Variants in PPP1R10 observed in about 807,000 individuals in gnomAD.
The protein encoded by PPP1R10 is protein phosphatase 1 regulatory subunit 10, also known as serine/threonine-protein phosphatase 1 regulatory subunit 10.
In PPP1R10, 15 loss-of-function variants were observed where a neutral mutation model predicts 99.0. That is an observed-to-expected ratio of 0.15 (90% confidence interval 0.10 to 0.23). The LOEUF (loss-of-function observed/expected upper bound fraction) is 0.23. Ranked by LOEUF, PPP1R10 falls within the 10% of genes least tolerant of loss-of-function variation. The pLI is 1.00. For synonymous variants in PPP1R10, 430 were observed against 449.5 expected, an observed-to-expected ratio of 0.96 and a Z score of 0.55; for missense variants, 947 against 1,259.4, an observed-to-expected ratio of 0.75 and a Z score of 3.75.
At chr6:30,615,536 C>G (rs1348499297) in intron 2 of PPP1R10, among the ~76,000 whole-genome samples, 1 of 152,130 alleles carries the variant, frequency 6.6e-6, no homozygotes, top group African/African-American at 2.4e-5. Context: ...GACAAAAGGA[C>G]AAGGAAAGTC....
chr6:30,604,846 C>CT lies in PPP1R10; in HGVS notation c.955-112dup, dbSNP rs1217787548. 1.9e-6 allele frequency: 3 copies of CT among 1,541,530 alleles called. No individual in the cohort carries two copies. Among genetic ancestry groups the CT allele is most frequent in the Non-Finnish European group, 2.7e-6 (3 of 1,116,312 alleles). Reference sequence around the variant, plus strand: ...AACAGTTCCTATATAAAGGAAGACTCTGTCTCCACAATGTCTCACCTGCAC... The same window carrying CT: ...AACAGTTCCTATATAAAGGAAGACTCTTGTCTCCACAATGTCTCACCTGCAC... On this transcript the variant is annotated intron_variant, in intron 11 of 19. Coordinates refer to ENST00000376511, the MANE Select transcript of PPP1R10 (RefSeq NM_002714.4). This position sits in a 1 kb window ranked among gnomAD's most constrained non-coding sequence, Gnocchi z 7.3.
rs1295026234 is a variant in PPP1R10 at position 30,604,969 on chromosome 6, G to A, written c.954+25C>T. The A allele has an allele frequency of 3.1e-6, 5 of 1,605,502 alleles. No homozygotes were observed. The African/African-American group carries it at 5.4e-5, about 17-fold the overall frequency. On this transcript the variant is annotated intron_variant, in intron 11 of 19. Transcript: ENST00000376511. This position sits in a 1 kb window ranked among gnomAD's most constrained non-coding sequence, Gnocchi z 7.3. ...ACTTTACCTTTTATACTCTGTCACT[G>A]AAACCTACTTCTGGGAGCCCATACC... is the stretch of plus-strand genomic sequence containing the variant.
rs1441543778 is a variant in PPP1R10 at position 30,604,799 on chromosome 6, AGGGTCCCAG to A, written c.955-73_955-65del. ...AAGCCAAGGGCAAGGCAATTAGTCCAGGGTCCCAGGCACAGTCCCCCAACAGTTCCTATA... is the reference window on the plus strand; with the variant it reads ...AAGCCAAGGGCAAGGCAATTAGTCCAGCACAGTCCCCCAACAGTTCCTATA... On this transcript the variant is annotated intron_variant, in intron 11 of 19. Coordinates refer to ENST00000376511, the MANE Select transcript of PPP1R10 (RefSeq NM_002714.4). This position sits in a 1 kb window ranked among gnomAD's most constrained non-coding sequence, Gnocchi z 7.3. 6.2e-7 allele frequency: 1 copy of A among 1,603,518 alleles called. No individual in the cohort carries two copies.
At chr6:30,608,005 T>C in intron 5 of PPP1R10, 114 bp from the exon 6 acceptor site, 1 of 1,112,782 alleles carries the variant, frequency 9.0e-7, no homozygotes, top group Non-Finnish European at 1.3e-6. Context: ...TTTTTATTTT[T>C]TGAGACGGAG....
At chr6:30,613,421 T>C (rs1278033261) in intron 2 of PPP1R10, among the ~76,000 whole-genome samples, 1 of 152,192 alleles carries the variant, frequency 6.6e-6, no homozygotes, top group Non-Finnish European at 1.5e-5. Context: ...CCCCTTATGT[T>C]CCCCTTCCTT....
In PPP1R10 at chr6:30,606,406, C is replaced by A; in HGVS notation, c.634+62G>T. 1 of 1,594,594 alleles carries A rather than the reference C, an allele frequency of 6.3e-7. No individual in the cohort carries two copies. The highest frequency in any genetic ancestry group is 8.6e-7 in the Non-Finnish European group (1 of 1,167,898). ...AACATACCACACATCAAATGATTCC[C>A]CCATAAGGCTCTGGGTGTGCACATG... is the stretch of plus-strand genomic sequence containing the variant. On this transcript the variant is annotated intron_variant, in intron 8 of 19. Transcript: ENST00000376511. The surrounding 1 kb of genome is among the most constrained non-coding windows in gnomAD (Gnocchi z 6.3).
At position 30,604,617 on chromosome 6, in the gene PPP1R10, G is replaced by T; in HGVS notation, c.1073C>A (p.Pro358His). The change falls in exon 12 of 20, where the codon CCT (proline) becomes CAT (histidine). Residue 358 changes from proline to histidine, a missense_variant. Transcript: ENST00000376511. The surrounding 1 kb of genome is among the most constrained non-coding windows in gnomAD (Gnocchi z 7.3). ...ATCCATGAGCTCCGGGACTTCAACAGGGGGAACCGGGGTGCCTGGACGGTC... is the reference window on the plus strand; with the variant it reads ...ATCCATGAGCTCCGGGACTTCAACATGGGGAACCGGGGTGCCTGGACGGTC... Reference protein sequence around the residue: ...DADRPGTPVPPVEVPELMDTA... With the variant: ...DADRPGTPVPHVEVPELMDTA... 1 of 1,613,090 alleles carries T rather than the reference G, an allele frequency of 6.2e-7. No individual in the cohort carries two copies. The highest frequency in any genetic ancestry group is 1.1e-5 in the South Asian group (1 of 91,086).
intron 2 of PPP1R10, among the ~76,000 whole-genome samples, chr6:30,610,193 TGGA>T (rs1804415299): frequency 6.6e-6 from 1 of 152,210 alleles, no homozygotes; most frequent in Non-Finnish European, 1.5e-5. Flanking sequence ...GCAATTCGAT[TGGA>T]GGAGTAGGGC....
chr6:30,602,461 A>G lies in PPP1R10; in HGVS notation c.2188T>C (p.Ser730Pro), dbSNP rs754633447. The G allele has an allele frequency of 3.1e-6, 5 of 1,596,198 alleles. No individual in the cohort carries two copies. In the South Asian group the frequency reaches 4.5e-5, roughly 14 times the overall value. The change falls in exon 19 of 20, where the codon TCT becomes CCT. Residue 730 changes from serine to proline, a missense_variant. Transcript: ENST00000376511. This position sits in a 1 kb window ranked among gnomAD's most constrained non-coding sequence, Gnocchi z 6.7. ...PPFRGARGGR[S>P]GGGPPNGRGG... The stretch of plus-strand genomic sequence containing the variant: ...CGTCCATTTGGGGGTCCTCCTCCAG[A>G]GCGACCTCCTCTGGCGCCTCGGAAT...
Position 30,602,601 on chromosome 6 carries a change from G to A in PPP1R10, c.2048C>T (p.Pro683Leu), listed in dbSNP as rs375599737. 1.7e-5 allele frequency: 26 copies of A among 1,575,246 alleles called. No homozygotes were observed. The highest frequency in any genetic ancestry group is 5.5e-5 in the African/African-American group (4 of 72,730). The stretch of plus-strand genomic sequence containing the variant: ...TGGGCCACCCCGCATAGGGTCGCCC[G>A]GGCCATCCCAGAAGGGATCACCTCC... The part of the protein sequence containing the change: ...PRGGDPFWDG[P>L]GDPMRGGPMR... The change falls in exon 19 of 20, where the codon CCG (proline) becomes CTG (leucine). Residue 683 changes from proline (P) to leucine (L), a missense_variant. Physicochemically the swap from Pro to Leu is moderately conservative, Grantham distance 98. Transcript: ENST00000376511. The surrounding 1 kb of genome is among the most constrained non-coding windows in gnomAD (Gnocchi z 6.7).
In PPP1R10 at chr6:30,602,024, C is replaced by T. The variant is rs764259116; in HGVS notation, c.2625G>A (p.Pro875=). ...PGHRGHDHRG[P]PPHEHRGHDG... Reference sequence around the variant, plus strand: ...CATGGCCACGGTGCTCATGAGGTGGCGGCCCTCGATGGTCATGGCCTCGGT... The same window carrying T: ...CATGGCCACGGTGCTCATGAGGTGGTGGCCCTCGATGGTCATGGCCTCGGT... Residue 875 remains proline, a synonymous_variant, in exon 19 of 20, where the codon CCG becomes CCA. Coordinates refer to ENST00000376511, the MANE Select transcript of PPP1R10 (RefSeq NM_002714.4). The surrounding 1 kb of genome is among the most constrained non-coding windows in gnomAD (Gnocchi z 6.7). 2.5e-5 allele frequency: 38 copies of T among 1,535,734 alleles called. No homozygotes were observed. Among genetic ancestry groups the T allele is most frequent in the Admixed American group, 1.2e-4 (6 of 50,934 alleles).
Position 30,601,302 on chromosome 6 carries a change from G to T in PPP1R10, c.*247C>A. On this transcript the variant is annotated 3_prime_UTR_variant, in exon 20 of 20. Coordinates refer to ENST00000376511, the MANE Select transcript of PPP1R10 (RefSeq NM_002714.4). ...ATCTTCTCAAAAAGTGAAGCCAACT[G>T]GGTCTCCTCTTCAGCAGTCCAGGAA... 1 of 527,952 alleles carries T rather than the reference G, an allele frequency of 1.9e-6. No homozygotes were observed. Among genetic ancestry groups the T allele is most frequent in the Admixed American group, 3.4e-5 (1 of 29,024 alleles). The allele number at this position is 527,952 out of a possible 1,614,324, so 32.7% of individuals were successfully genotyped here.
intron 2 of PPP1R10, among the ~76,000 whole-genome samples, chr6:30,613,735 A>G (rs1411169154): frequency 6.6e-6 from 1 of 152,186 alleles, no homozygotes; most frequent in African/African-American, 2.4e-5. Flanking sequence ...CTGGCTTCCC[A>G]TCTCCCATGT....
intron 2 of PPP1R10, 125 bp downstream of exon 2, chr6:30,616,353 A>C (rs997501836): frequency 6.6e-6 from 1 of 152,552 alleles, no homozygotes; most frequent in Non-Finnish European, 1.5e-5. Context: ...AAGTGACCAG[A>C]TTGGTCCTTC....
At chr6:30,610,672 GT>G (rs1804469538) in intron 2 of PPP1R10, among the ~76,000 whole-genome samples, 1 of 152,164 alleles carries the variant, frequency 6.6e-6, no homozygotes, top group African/African-American at 2.4e-5. Flanking sequence ...CACTACACAA[GT>G]TTTTACTGTC....
At position 30,600,561 on chromosome 6, in the gene PPP1R10, G is replaced by C. The variant is rs537471889; in HGVS notation, c.*988C>G. The stretch of plus-strand genomic sequence containing the variant: ...TTCATAGAAAACAACTGATGCCAAA[G>C]TGAAGGAGAGAACTGGGAAAGGGCA... On this transcript the variant is annotated 3_prime_UTR_variant, in exon 20 of 20. Transcript: ENST00000376511. The C allele has an allele frequency of 1.3e-5, 2 of 152,626 alleles. No individual in the cohort carries two copies. Among genetic ancestry groups the C allele is most frequent in the East Asian group, 1.9e-4 (1 of 5,206 alleles). 9.5% of individuals were successfully genotyped at this position (152,626 alleles called of 1,614,324 possible).
chr6:30,601,184 C>A lies in PPP1R10; in HGVS notation c.*365G>T. The A allele has an allele frequency of 4.1e-6, 1 of 241,892 alleles. No homozygotes were observed. Among genetic ancestry groups the A allele is most frequent in the Non-Finnish European group, 8.1e-6 (1 of 123,882 alleles). The allele number at this position is 241,892 out of a possible 1,614,324, so 15.0% of individuals were successfully genotyped here. A position where few individuals can be genotyped will look rare whatever the true frequency, so the allele number is the denominator to read the frequency against. ...AGTTCTGTGTGCATGTGGGGACCCG[C>A]AATAGAAGGGTAGGGGTGTTCGCCA... On this transcript the variant is annotated 3_prime_UTR_variant, in exon 20 of 20. Coordinates refer to ENST00000376511, the MANE Select transcript of PPP1R10 (RefSeq NM_002714.4).
rs1383787811 is a variant in PPP1R10 at position 30,604,879 on chromosome 6, T to C, written c.954+115A>G. ...ACAATGTCTCACCTGCACCAGTCTA[T>C]ATCCAAGGCAAAACGCCTCTTGTTG... On this transcript the variant is annotated intron_variant, in intron 11 of 19. Coordinates refer to ENST00000376511, the MANE Select transcript of PPP1R10 (RefSeq NM_002714.4). The surrounding 1 kb of genome is among the most constrained non-coding windows in gnomAD (Gnocchi z 7.3). The C allele has an allele frequency of 2.0e-5, 30 of 1,506,288 alleles. No individual in the cohort carries two copies. Among genetic ancestry groups the C allele is most frequent in the Non-Finnish European group, 2.4e-5 (26 of 1,084,500 alleles). The allele number at this position is 1,506,288 out of a possible 1,614,324, so 93.3% of individuals were successfully genotyped here.
In PPP1R10 at chr6:30,604,844, C is replaced by T. The variant is rs1803757385; in HGVS notation, c.955-109G>A. 6.5e-7 allele frequency: 1 copy of T among 1,548,482 alleles called. No homozygotes were observed. The highest frequency in any genetic ancestry group is 1.4e-5 in the African/African-American group (1 of 73,474). The stretch of plus-strand genomic sequence containing the variant: ...CCAACAGTTCCTATATAAAGGAAGA[C>T]TCTGTCTCCACAATGTCTCACCTGC... On this transcript the variant is annotated intron_variant, in intron 11 of 19. Transcript: ENST00000376511. The surrounding 1 kb of genome is among the most constrained non-coding windows in gnomAD (Gnocchi z 7.3).
Sources: gnomAD v4.1 joint callset for allele counts (sites outside exome capture counted in the v4.1 genomes callset) on GRCh38, gnomAD v4.1.1 for gene constraint, Gnocchi (gnomAD v3.1) non-coding constraint, MANE v1.5 for transcripts, NCBI Gene and HGNC (gene_info 2026-07-23, HGNC 2026-07-21) for gene names.